The following LINGO2 variants were observed in gnomAD, a reference collection of about 807,000 sequenced individuals.
LINGO2 encodes leucine rich repeat and Ig domain containing 2.
Under a neutral mutation model 30.6 loss-of-function variants are expected in LINGO2, and 14 were observed. The ratio of observed to expected loss-of-function variants is 0.46; its 90% CI spans 0.30 to 0.72. The LOEUF (loss-of-function observed/expected upper bound fraction) is 0.72. Among genes scored for constraint, LINGO2 ranks in the 30% least tolerant of loss-of-function variants. The probability of loss-of-function intolerance (pLI) is 0.07; values close to 1 mark genes in which losing one functional copy is unlikely to be tolerated. For missense variants in LINGO2, 729 were observed against 751.7 expected (o/e 0.97, Z 0.35); for synonymous variants, 317 against 288.5 (o/e 1.10, Z -1.00).
intron 4 of LINGO2, among the ~76,000 whole-genome samples, chr9:28,093,133 T>C (rs1190229329): frequency 6.6e-6 from 1 of 152,090 alleles, no homozygotes; most frequent in Non-Finnish European, 1.5e-5. Context: ...CAATGTGCGA[T>C]GTTGCCAGGG....
intron 1 of LINGO2, among the ~76,000 whole-genome samples, chr9:28,482,017 C>T (rs1350819708): frequency 1.3e-5 from 2 of 152,116 alleles, no homozygotes; most frequent in African/African-American, 4.8e-5. Context: ...TTAATCCAGT[C>T]TATCATTGTT....
chr9:29,141,968 G>A, the LINGO2 span, among the ~76,000 whole-genome samples: 4 of 151,916 alleles, frequency 2.6e-5, no homozygotes, highest in East Asian at 3.9e-4. Context: ...GTATATTTTA[G>A]TAACTAACTT....
At chr9:28,387,331 T>C (rs1324318792) in intron 2 of LINGO2, among the ~76,000 whole-genome samples, 1 of 152,170 alleles carries the variant, frequency 6.6e-6, no homozygotes, top group Non-Finnish European at 1.5e-5. Context: ...CAATTGGCGC[T>C]CTGTGTCTAG....
chr9:28,836,624 A>G, the LINGO2 span, among the ~76,000 whole-genome samples: 3 of 152,162 alleles, frequency 2.0e-5, no homozygotes, highest in Non-Finnish European at 2.9e-5. Context: ...CCCTAACAAT[A>G]TTTTTAATTT....
At chr9:28,722,362 T>C in the LINGO2 span, among the ~76,000 whole-genome samples, 209 of 152,240 alleles carry the variant, frequency 1.4e-3, 1 homozygote, top group Non-Finnish European at 2.4e-3. Flanking sequence ...GACTTTCAAC[T>C]ATATATTTCT....
At position 28,462,172 on chromosome 9, in the gene LINGO2, C is replaced by A. The variant is rs1234963470; in HGVS notation, c.-279+13768G>T. On this transcript the variant is annotated intron_variant, in intron 2 of 5. Transcript: ENST00000379992. ...TAACTGAATGGATTTCCCAGAGAAC[C>A]TGACTCTGTCCATTAGGGTTAGATG... Among the ~76,000 whole-genome samples, 3 of 151,994 alleles carry A rather than the reference C, an allele frequency of 2.0e-5. No homozygotes were observed. The East Asian group carries it at 5.8e-4, about 29-fold the overall frequency.
At chr9:28,549,197 G>T (rs1822132070) in intron 1 of LINGO2, among the ~76,000 whole-genome samples, 1 of 151,982 alleles carries the variant, frequency 6.6e-6, no homozygotes, top group African/African-American at 2.4e-5. Context: ...TATCATTGTT[G>T]TGTGTGTTTA....
chr9:28,690,073 G>A, the LINGO2 span, among the ~76,000 whole-genome samples: 1 of 152,108 alleles, frequency 6.6e-6, no homozygotes, highest in Non-Finnish European at 1.5e-5. Flanking sequence ...ACCTGTCGGA[G>A]GGTGCGGGGT....
chr9:28,035,418 T>G (rs1239656872), intron 4 of LINGO2, among the ~76,000 whole-genome samples: 1 of 152,266 alleles, frequency 6.6e-6, no homozygotes, highest in Non-Finnish European at 1.5e-5. Flanking sequence ...TGAAGGTCTT[T>G]TACAGTTAAT....
At chr9:28,795,839 AG>A in the LINGO2 span, among the ~76,000 whole-genome samples, 1 of 152,094 alleles carries the variant, frequency 6.6e-6, no homozygotes, top group Non-Finnish European at 1.5e-5. Context: ...AGGAACTGGA[AG>A]GAAACTCATG....
At chr9:28,559,878 CAG>C (rs776619324) in intron 1 of LINGO2, among the ~76,000 whole-genome samples, 9 of 151,810 alleles carry the variant, frequency 5.9e-5, no homozygotes, top group Non-Finnish European at 1.0e-4. Flanking sequence ...CTAGGAAAAA[CAG>C]AGAATAATCC....
the LINGO2 span, among the ~76,000 whole-genome samples, chr9:28,787,786 A>T: frequency 6.6e-6 from 1 of 152,166 alleles, no homozygotes; most frequent in African/African-American, 2.4e-5. Context: ...TACATTCATC[A>T]TTGCTTATAT....
At chr9:29,028,382 T>A in the LINGO2 span, among the ~76,000 whole-genome samples, 3 of 139,642 alleles carry the variant, frequency 2.1e-5, no homozygotes, top group South Asian at 7.1e-4. Context: ...AAACTATCCA[T>A]GTAGAAGACA....
the LINGO2 span, among the ~76,000 whole-genome samples, chr9:29,131,142 A>T: frequency 1.3e-5 from 2 of 152,262 alleles, no homozygotes; most frequent in East Asian, 3.9e-4. Context: ...TGTAACAATT[A>T]AGGAAAGTGT....
At chr9:29,189,958 A>G in the LINGO2 span, among the ~76,000 whole-genome samples, 3 of 148,604 alleles carry the variant, frequency 2.0e-5, no homozygotes, top group East Asian at 6.3e-4. Context: ...CCGAGATGGC[A>G]GCAGTACAGT....
the LINGO2 span, among the ~76,000 whole-genome samples, chr9:29,138,323 C>T: frequency 1.4e-5 from 2 of 140,282 alleles, no homozygotes; most frequent in Non-Finnish European, 1.6e-5. Flanking sequence ...AATCCCAGAC[C>T]ACCGGCCAGA....
chr9:28,711,345 T>G, the LINGO2 span, among the ~76,000 whole-genome samples: 1 of 152,076 alleles, frequency 6.6e-6, no homozygotes, highest in Non-Finnish European at 1.5e-5. Context: ...AAATTCAGTT[T>G]CCTCATCTGT....
At chr9:28,896,181 T>C in the LINGO2 span, among the ~76,000 whole-genome samples, 10 of 152,100 alleles carry the variant, frequency 6.6e-5, no homozygotes, top group South Asian at 4.1e-4. Flanking sequence ...CATTTGCAAA[T>C]TAAGGAAAGA....
chr9:29,039,477 A>G, the LINGO2 span, among the ~76,000 whole-genome samples: 4 of 152,174 alleles, frequency 2.6e-5, no homozygotes, highest in Non-Finnish European at 4.4e-5. Flanking sequence ...TACATGTAGC[A>G]AAACTCAAAG....
Sources: gnomAD v4.1 joint callset for allele counts (sites outside exome capture counted in the v4.1 genomes callset) on GRCh38, gnomAD v4.1.1 for gene constraint, MANE v1.5 for transcripts, NCBI Gene and HGNC (gene_info 2026-07-23, HGNC 2026-07-21) for gene names.